Variants in CDH13 observed in about 807,000 individuals in gnomAD.
CDH13 encodes the protein cadherin-13.
In CDH13, 24 loss-of-function variants were observed where a neutral mutation model predicts 63.8. The observed-to-expected ratio is 0.38, with a 90% CI of 0.27 to 0.53. The LOEUF is 0.53. Among genes scored for constraint, CDH13 ranks in the 20% least tolerant of loss-of-function variants. The pLI is 0.85. For missense variants in CDH13, 1,049 were observed against 903.1 expected (o/e 1.16, Z -2.07); for synonymous variants, 503 against 355.3 (o/e 1.42, Z -4.67).
chr16:82,730,837 T>G (rs1271354089), intron 1 of CDH13, among the ~76,000 whole-genome samples: 2 of 152,180 alleles, frequency 1.3e-5, no homozygotes, highest in Non-Finnish European at 2.9e-5. Context: ...ATTTGTTACA[T>G]TTTCATGAAT....
At chr16:82,640,849 A>T (rs1413970944) in intron 1 of CDH13, among the ~76,000 whole-genome samples, 1 of 152,234 alleles carries the variant, frequency 6.6e-6, no homozygotes, top group African/African-American at 2.4e-5. Flanking sequence ...GGAATAATTT[A>T]GCTTTGTAAT....
At chr16:83,273,023 G>A (rs977759837) in intron 5 of CDH13, among the ~76,000 whole-genome samples, 3 of 152,102 alleles carry the variant, frequency 2.0e-5, no homozygotes, top group Non-Finnish European at 2.9e-5. Flanking sequence ...CCTGTGGCTG[G>A]TGCCTACACA....
intron 13 of CDH13, among the ~76,000 whole-genome samples, chr16:83,784,631 CAA>C (rs575073144): frequency 1.5e-4 from 15 of 101,188 alleles, no homozygotes; most frequent in Middle Eastern, 5.0e-3. Context: ...GGCTCTGTCT[CAA>C]AAAAAAAAAA....
intron 1 of CDH13, among the ~76,000 whole-genome samples, chr16:82,692,858 T>G (rs1348765118): frequency 1.3e-5 from 2 of 152,314 alleles, no homozygotes; most frequent in East Asian, 3.9e-4. Context: ...ACCCCGGTGA[T>G]CCTCACTTCC....
chr16:83,443,273 G>A (rs775480960), intron 6 of CDH13, among the ~76,000 whole-genome samples: 14 of 152,262 alleles, frequency 9.2e-5, no homozygotes, highest in South Asian at 4.1e-4. Flanking sequence ...GGGAGGCCAC[G>A]CCTCTGAGAA....
At chr16:83,689,634 A>G (rs1904646284) in intron 10 of CDH13, among the ~76,000 whole-genome samples, 1 of 152,206 alleles carries the variant, frequency 6.6e-6, no homozygotes, top group African/African-American at 2.4e-5. Flanking sequence ...CAGTCCTCCT[A>G]CAAATGCTTA....
At chr16:83,457,933 C>G (rs1376212697) in intron 6 of CDH13, among the ~76,000 whole-genome samples, 1 of 152,186 alleles carries the variant, frequency 6.6e-6, no homozygotes, top group East Asian at 1.9e-4. Context: ...TCTGAGAACC[C>G]TCATCGGACA....
At chr16:83,695,993 G>A (rs1156783742) in intron 10 of CDH13, among the ~76,000 whole-genome samples, 1 of 151,838 alleles carries the variant, frequency 6.6e-6, no homozygotes, top group East Asian at 1.9e-4. Flanking sequence ...GGGCTCAAGG[G>A]ATCCTCCCAC....
chr16:83,147,960 G>C (rs2036820586), intron 4 of CDH13, among the ~76,000 whole-genome samples: 1 of 152,116 alleles, frequency 6.6e-6, no homozygotes, highest in African/African-American at 2.4e-5. Context: ...TTGAGATGGA[G>C]TCTCACTCTG....
chr16:83,676,882 G>A (rs3784940), intron 9 of CDH13, among the ~76,000 whole-genome samples: 2,418 of 152,190 alleles, frequency 0.016, 36 homozygotes, highest in East Asian at 0.042. Context: ...TTCCCACCTC[G>A]GTGCCAGCTC....
rs553787457 is a variant in CDH13 at position 82,735,724 on chromosome 16, A to G, written c.45+108587A>G. Among the ~76,000 whole-genome samples, 207 of 152,354 alleles carry G rather than the reference A, an allele frequency of 1.4e-3. 2 individuals carry two copies. The highest frequency in any genetic ancestry group is 4.6e-3 in the African/African-American group (192 of 41,586). ...GTGATCTGAGGAAAGCGAGACCACA[A>G]TGTTGCCATCCAGTAAAGCACTTTA... On this transcript the variant is annotated intron_variant, in intron 1 of 13. Transcript: ENST00000567109.
intron 3 of CDH13, among the ~76,000 whole-genome samples, chr16:83,037,024 C>G (rs774621436): frequency 2.6e-5 from 4 of 152,164 alleles, no homozygotes; most frequent in Non-Finnish European, 4.4e-5. Context: ...ATGACAGGAG[C>G]TATGGAGCCA....
chr16:83,380,784 C>T (rs2091551030), intron 6 of CDH13, among the ~76,000 whole-genome samples: 1 of 151,744 alleles, frequency 6.6e-6, no homozygotes, highest in Non-Finnish European at 1.5e-5. Context: ...CATGTAACTG[C>T]AAGGGGGATA....
chr16:83,572,134 C>T (rs1282452849), intron 7 of CDH13, among the ~76,000 whole-genome samples: 1 of 151,524 alleles, frequency 6.6e-6, no homozygotes, highest in Non-Finnish European at 1.5e-5. Context: ...ATCATCAAAA[C>T]CCTAATTGAT....
At chr16:82,902,563 G>C (rs1428446624) in intron 2 of CDH13, among the ~76,000 whole-genome samples, 1 of 151,920 alleles carries the variant, frequency 6.6e-6, no homozygotes, top group Non-Finnish European at 1.5e-5. Context: ...GTTTCACTTG[G>C]AATGTGTTTA....
intron 3 of CDH13, among the ~76,000 whole-genome samples, chr16:83,050,935 T>C (rs2030254124): frequency 6.6e-6 from 1 of 152,176 alleles, no homozygotes; most frequent in Non-Finnish European, 1.5e-5. Flanking sequence ...CAGTGGTACT[T>C]CTTATCCTTT....
intron 4 of CDH13, among the ~76,000 whole-genome samples, chr16:83,133,563 A>T (rs1373436687): frequency 1.3e-5 from 2 of 152,152 alleles, no homozygotes; most frequent in African/African-American, 4.8e-5. Flanking sequence ...CAGTGGCGTG[A>T]TCTGTGCTCA....
At chr16:83,389,562 A>G (rs1465781695) in intron 6 of CDH13, among the ~76,000 whole-genome samples, 1 of 152,144 alleles carries the variant, frequency 6.6e-6, no homozygotes, top group Non-Finnish European at 1.5e-5. Flanking sequence ...TTTATTCTCC[A>G]CATAATGCTG....
rs529339202 is a variant in CDH13, at chr16:82,826,276, A to G, written c.46-32086A>G. The stretch of plus-strand genomic sequence containing the variant: ...CTTGAAATCAGAGGGTTGCTTTCTC[A>G]TGAAGTTAGACTGCTTGAGAATTGC... On this transcript the variant is annotated intron_variant, in intron 1 of 13. Coordinates refer to ENST00000567109, the MANE Select transcript of CDH13 (RefSeq NM_001257.5). 120 of 152,336 alleles carry G rather than the reference A, an allele frequency of 7.9e-4. 1 individual carries two copies. Among genetic ancestry groups the G allele is most frequent in the African/African-American group, 2.8e-3 (116 of 41,582 alleles). 9.4% of individuals were successfully genotyped at this position (152,336 alleles called of 1,614,324 possible). A position where few individuals can be genotyped will look rare whatever the true frequency, so the allele number is the denominator to read the frequency against.
Sources: gnomAD v4.1 joint callset for allele counts (sites outside exome capture counted in the v4.1 genomes callset) on GRCh38, gnomAD v4.1.1 for gene constraint, MANE v1.5 for transcripts, NCBI Gene and HGNC (gene_info 2026-07-23, HGNC 2026-07-21) for gene names.